ACSM5: variants seen among roughly 807,000 people sequenced by gnomAD.
ACSM5 encodes the protein acyl-coenzyme A synthetase ACSM5, mitochondrial.
In ACSM5, 56 loss-of-function variants were observed where a neutral mutation model predicts 71.6. That is an observed-to-expected ratio of 0.78 (90% CI 0.63 to 0.98). ACSM5 has a LOEUF of 0.98. Among genes scored for constraint, ACSM5 ranks in the 50% least tolerant of loss-of-function variants. The probability of loss-of-function intolerance (pLI) is 0.00; values close to 1 mark genes in which losing one functional copy is unlikely to be tolerated. For missense variants in ACSM5, 723 were observed against 726.0 expected (o/e 1.00, Z 0.05); for synonymous variants, 285 against 281.5 (o/e 1.01, Z -0.12).
intron 7 of ACSM5, 142 bp downstream of exon 7, chr16:20,428,009 G>A: frequency 2.9e-6 from 2 of 699,168 alleles, no homozygotes; most frequent in South Asian, 1.7e-5. Context: ...CTCTCTCTTT[G>A]TCTCTCTCTC....
intron 12 of ACSM5, among the ~76,000 whole-genome samples, chr16:20,438,899 G>A (rs9939939): frequency 0.044 from 6,399 of 146,130 alleles, 465 homozygotes; most frequent in African/African-American, 0.15. Flanking sequence ...AGCTTGCAGT[G>A]AGCCGAGATC....
intron 6 of ACSM5, among the ~76,000 whole-genome samples, chr16:20,424,682 C>T (rs1966943210): frequency 6.6e-6 from 1 of 152,236 alleles, no homozygotes; most frequent in African/African-American, 2.4e-5. Context: ...GACTCTGATC[C>T]TACACCTTTG....
At chr16:20,413,490 TG>T (rs1966851218) in intron 2 of ACSM5, among the ~76,000 whole-genome samples, 1 of 152,230 alleles carries the variant, frequency 6.6e-6, no homozygotes, top group Non-Finnish European at 1.5e-5. Context: ...GCCTTTTCCC[TG>T]GGGGTTTTTG....
chr16:20,427,814 C>T lies in ACSM5; in HGVS notation c.948C>T (p.Thr316=). 1 of 1,613,956 alleles carries T rather than the reference C, an allele frequency of 6.2e-7. No homozygotes were observed. Among genetic ancestry groups the T allele is most frequent in the South Asian group, 1.1e-5 (1 of 91,074 alleles). ...LNTLSKFPIT[T]LCCVPTIFRL... ...CTCTCTCCAAATTCCCGATAACCAC[C>T]CTCTGCTGTGTCCCAACCATCTTTC... Residue 316 remains threonine, a synonymous_variant, in exon 7 of 14, where the codon ACC becomes ACT. Transcript: ENST00000331849.
Position 20,411,517 on chromosome 16 carries a change from G to A in ACSM5, c.33G>A (p.Gln11=). 1.2e-6 allele frequency: 2 copies of A among 1,614,154 alleles called. No individual in the cohort carries two copies. The highest frequency in any genetic ancestry group is 1.7e-6 in the Non-Finnish European group (2 of 1,180,016). The change falls in exon 2 of 14, where the codon CAG becomes CAA. Residue 11 remains glutamine (Q), a synonymous_variant. Coordinates refer to ENST00000331849, the MANE Select transcript of ACSM5 (RefSeq NM_017888.3). ...CATGGCTGAGACACCTAGTCCTCCA[G>A]GCACTGAGGAACTCCAGGGCATTCT... MRPWLRHLVL[Q]ALRNSRAFCG...
At chr16:20,432,209 G>A (rs965693237) in intron 10 of ACSM5, among the ~76,000 whole-genome samples, 8 of 152,114 alleles carry the variant, frequency 5.3e-5, no homozygotes, top group African/African-American at 1.9e-4. Context: ...CACCTGGCAA[G>A]CCTCAGTTAT....
intron 2 of ACSM5, 30 bp from the exon 3 acceptor site, chr16:20,418,029 C>CTT: frequency 1.9e-6 from 3 of 1,550,526 alleles, no homozygotes; most frequent in Non-Finnish European, 1.8e-6. Flanking sequence ...TAAATTGCTT[C>CTT]TTTTTTTTTC....
intron 4 of ACSM5, 112 bp from the exon 5 acceptor site, chr16:20,421,146 A>C (rs1966876907): frequency 7.5e-7 from 1 of 1,339,160 alleles, no homozygotes; most frequent in Admixed American, 2.7e-5. Context: ...TCAGCACAGC[A>C]CCTCACATGT....
At chr16:20,430,727 TGAA>T (rs1967076253) in intron 8 of ACSM5, among the ~76,000 whole-genome samples, 2 of 99,020 alleles carry the variant, frequency 2.0e-5, no homozygotes, top group South Asian at 6.2e-4. Context: ...GGAAAGAAAA[TGAA>T]GGAGGGAAGG....
chr16:20,440,195 C>T (rs1339622680), intron 13 of ACSM5, 149 bp from the exon 14 acceptor site: 4 of 678,080 alleles, frequency 5.9e-6, no homozygotes, highest in Non-Finnish European at 7.7e-6. Context: ...CTCCAGGCTC[C>T]AGCTGTTTTG....
At chr16:20,431,949 A>ATAGT (rs1280552370) in intron 10 of ACSM5, among the ~76,000 whole-genome samples, 17 of 137,784 alleles carry the variant, frequency 1.2e-4, no homozygotes, top group African/African-American at 5.1e-4. Context: ...CGTATCAAAA[A>ATAGT]AAAAAAATAA....
rs371044955 is a variant in ACSM5, at chr16:20,439,940, G to A, written c.1656+21G>A. On this transcript the variant is annotated intron_variant, in intron 13 of 13. Coordinates refer to ENST00000331849, the MANE Select transcript of ACSM5 (RefSeq NM_017888.3). ...GGAAGGTAAATATCAGGGTTTCCAG[G>A]GCACAGTGATCTGGGAATCAGATGG... 3.1e-5 allele frequency: 50 copies of A among 1,611,328 alleles called. 2 individuals carry two copies. Among genetic ancestry groups the A allele is most frequent in the Non-Finnish European group, 4.2e-5 (49 of 1,178,186 alleles).
rs1967218549 is a variant in ACSM5, at chr16:20,437,174, T to C, written c.1431T>C (p.Ser477=). The C allele has an allele frequency of 6.2e-7, 1 of 1,614,058 alleles. No individual in the cohort carries two copies. The highest frequency in any genetic ancestry group is 8.5e-7 in the Non-Finnish European group (1 of 1,180,030). ...FMGRNDDVIN[S]SSYRIGPVEV... ...GAAGAAACGACGATGTGATCAATTCTTCAAGGTCAAGCTGTCTGCACTTTC... is the reference window on the plus strand; with the variant it reads ...GAAGAAACGACGATGTGATCAATTCCTCAAGGTCAAGCTGTCTGCACTTTC... The change falls in exon 11 of 14, where the codon TCT becomes TCC. Residue 477 remains serine, a synonymous_variant. Transcript: ENST00000331849.
At position 20,418,176 on chromosome 16, in the gene ACSM5, G is replaced by A; in HGVS notation, c.322G>A (p.Gly108Ser). 3.1e-6 allele frequency: 5 copies of A among 1,613,260 alleles called. No homozygotes were observed. Among genetic ancestry groups the A allele is most frequent in the South Asian group, 2.2e-5 (2 of 91,026 alleles). The change falls in exon 3 of 14, where the codon GGT becomes AGT. Residue 108 changes from glycine to serine, a missense_variant. Gly to Ser is a moderately conservative substitution (Grantham distance 56). Coordinates refer to ENST00000331849, the MANE Select transcript of ACSM5 (RefSeq NM_017888.3). ...CAGGAAGGCAGCCAATGTGCTGGGG[G>A]GTGCATGCGGCCTGCAGCCTGGGGA... is the stretch of plus-strand genomic sequence containing the variant. The part of the protein sequence containing the change: ...QSRKAANVLG[G>S]ACGLQPGDRM...
chr16:20,431,056 C>G lies in ACSM5; in HGVS notation c.1189C>G (p.Pro397Ala). ...GTCTGGATCCATGGGGAAGGCGTCC[C>G]CACCCTACGATGTGCAGGTAGCAGC... ...IKSGSMGKAS[P>A]PYDVQIVDDE... Residue 397 changes from proline to alanine, a missense_variant, in exon 9 of 14, where the codon CCA becomes GCA. Physicochemically the swap from Pro to Ala is conservative, Grantham distance 27 (BLOSUM62 -1). Transcript: ENST00000331849. 1 of 1,613,798 alleles carries G rather than the reference C, an allele frequency of 6.2e-7. No homozygotes were observed. The highest frequency in any genetic ancestry group is 8.5e-7 in the Non-Finnish European group (1 of 1,179,844).
At chr16:20,429,360 T>A (rs1249901904) in intron 7 of ACSM5, among the ~76,000 whole-genome samples, 1 of 125,634 alleles carries the variant, frequency 8.0e-6, no homozygotes, top group African/African-American at 3.6e-5. Context: ...CAGATTACTG[T>A]CCTAACCAAT....
chr16:20,432,860 T>C (rs1414037029), intron 10 of ACSM5, among the ~76,000 whole-genome samples: 1 of 133,832 alleles, frequency 7.5e-6, no homozygotes, highest in African/African-American at 3.0e-5. Flanking sequence ...TTTTTTTTTT[T>C]TTTTTTTTTT....
In ACSM5 at chr16:20,418,117, T is replaced by G; in HGVS notation, c.263T>G (p.Ile88Ser). 6.2e-7 allele frequency: 1 copy of G among 1,613,670 alleles called. No homozygotes were observed. The highest frequency in any genetic ancestry group is 8.5e-7 in the Non-Finnish European group (1 of 1,179,932). Residue 88 changes from isoleucine to serine, a missense_variant, in exon 3 of 14, where the codon ATC becomes AGC. Physicochemically the swap from Ile to Ser is moderately radical, Grantham distance 142. Coordinates refer to ENST00000331849, the MANE Select transcript of ACSM5 (RefSeq NM_017888.3). ...TGGGTCAATGGCACAGGAGCAGAGATCAAGTGGAGCTTTGAGGAGCTGGGG... is the reference window on the plus strand; with the variant it reads ...TGGGTCAATGGCACAGGAGCAGAGAGCAAGTGGAGCTTTGAGGAGCTGGGG... Reference protein sequence around the residue: ...FWWVNGTGAEIKWSFEELGKQ... With the variant: ...FWWVNGTGAESKWSFEELGKQ...
intron 2 of ACSM5, among the ~76,000 whole-genome samples, chr16:20,416,931 T>C (rs758928729): frequency 7.6e-5 from 11 of 143,926 alleles, no homozygotes; most frequent in Non-Finnish European, 1.5e-5. Flanking sequence ...AAATGGCCAA[T>C]AGACACATGA....
Sources: gnomAD v4.1 joint callset for allele counts (sites outside exome capture counted in the v4.1 genomes callset) on GRCh38, gnomAD v4.1.1 for gene constraint, MANE v1.5 for transcripts, NCBI Gene and HGNC (gene_info 2026-07-23, HGNC 2026-07-21) for gene names.